The following IMMP2L variants were observed in gnomAD, a reference collection of about 807,000 sequenced individuals.
The protein encoded by IMMP2L is inner mitochondrial membrane peptidase subunit 2.
Under a neutral mutation model 19.3 loss-of-function variants are expected in IMMP2L, and 18 were observed. That is an observed-to-expected ratio of 0.93 (90% CI 0.64 to 1.38). The LOEUF is 1.38. Among genes scored for constraint, IMMP2L ranks in the 40% most tolerant of loss-of-function variants. The pLI, the probability that IMMP2L is intolerant of heterozygous loss-of-function variation, is 0.00. For synonymous variants in IMMP2L, 76 were observed against 73.0 expected, an observed-to-expected ratio of 1.04 and a Z score of -0.21; for missense variants, 233 against 218.2, an observed-to-expected ratio of 1.07 and a Z score of -0.43.
chr7:110,922,931 G>T (rs183563969), intron 4 of IMMP2L, among the ~76,000 whole-genome samples: 2 of 152,064 alleles, frequency 1.3e-5, no homozygotes, highest in Non-Finnish European at 2.9e-5. Flanking sequence ...GATTTGCCCC[G>T]CTGCATGGCA....
At chr7:111,077,197 C>A (rs1234572834) in intron 3 of IMMP2L, among the ~76,000 whole-genome samples, 1 of 152,218 alleles carries the variant, frequency 6.6e-6, no homozygotes, top group African/African-American at 2.4e-5. Flanking sequence ...TGTTACAAAT[C>A]TGAATCTCCC....
chr7:111,458,637 C>G (rs890975650), intron 3 of IMMP2L, among the ~76,000 whole-genome samples: 2 of 150,970 alleles, frequency 1.3e-5, no homozygotes, highest in East Asian at 3.9e-4. Context: ...TTCTGTCACT[C>G]TCTTCAAGAT....
At chr7:110,814,879 T>C (rs1048240542) in intron 5 of IMMP2L, among the ~76,000 whole-genome samples, 1 of 151,866 alleles carries the variant, frequency 6.6e-6, no homozygotes, top group Non-Finnish European at 1.5e-5. Flanking sequence ...ATATTTAATC[T>C]ATTTCCTCCT....
chr7:110,733,513 A>G (rs1796414312), intron 5 of IMMP2L, among the ~76,000 whole-genome samples: 1 of 143,080 alleles, frequency 7.0e-6, no homozygotes, highest in South Asian at 2.3e-4. Context: ...GTGTATTTCT[A>G]AGAAAAGAGG....
intron 5 of IMMP2L, among the ~76,000 whole-genome samples, chr7:110,880,384 A>T (rs1212634041): frequency 6.6e-6 from 1 of 152,124 alleles, no homozygotes; most frequent in Admixed American, 6.6e-5. Context: ...TTTCCAAAAA[A>T]AGCTGTCTTC....
At chr7:110,840,269 TTC>T (rs1804937193) in intron 5 of IMMP2L, among the ~76,000 whole-genome samples, 4 of 152,144 alleles carry the variant, frequency 2.6e-5, no homozygotes, top group Admixed American at 1.3e-4. Context: ...CATCCCGGTT[TTC>T]TGTTATCCTT....
At chr7:111,553,639 AAT>A (rs1790931524) in intron 1 of IMMP2L, among the ~76,000 whole-genome samples, 2 of 152,202 alleles carry the variant, frequency 1.3e-5, no homozygotes, top group African/African-American at 4.8e-5. Context: ...AAACAATTAG[AAT>A]ATATCAGACA....
chr7:111,561,824 T>C, intron 1 of IMMP2L, 27 bp downstream of exon 1: 1 of 152,750 alleles, frequency 6.5e-6, no homozygotes, highest in African/African-American at 2.4e-5. Context: ...TCCTAGGTCC[T>C]TCCACCCCTG....
At chr7:111,043,273 C>CA (rs1291029823) in intron 3 of IMMP2L, among the ~76,000 whole-genome samples, 1 of 152,126 alleles carries the variant, frequency 6.6e-6, no homozygotes, top group Admixed American at 6.5e-5. Flanking sequence ...ATTTAAGTGG[C>CA]AAAAAATTGA....
chr7:111,441,657 G>T (rs1012479340), intron 3 of IMMP2L, among the ~76,000 whole-genome samples: 1 of 150,916 alleles, frequency 6.6e-6, no homozygotes, highest in African/African-American at 2.5e-5. Context: ...TGAGCACATG[G>T]TGTTGAAAAA....
intron 3 of IMMP2L, among the ~76,000 whole-genome samples, chr7:110,994,892 T>C (rs765557972): frequency 7.2e-5 from 11 of 152,064 alleles, no homozygotes; most frequent in Non-Finnish European, 1.3e-4. Context: ...AAGGTTCAAT[T>C]GATATTACAC....
At chr7:111,154,891 G>A (rs1804474477) in intron 3 of IMMP2L, among the ~76,000 whole-genome samples, 1 of 151,988 alleles carries the variant, frequency 6.6e-6, no homozygotes, top group African/African-American at 2.4e-5. Flanking sequence ...CCAACTAGCT[G>A]GGACTACAGC....
At chr7:110,964,354 T>C (rs1291424587) in intron 3 of IMMP2L, among the ~76,000 whole-genome samples, 1 of 152,064 alleles carries the variant, frequency 6.6e-6, no homozygotes, top group East Asian at 1.9e-4. Context: ...AAGGAGTTTT[T>C]ATTTAAATCC....
chr7:111,399,614 C>T (rs1482057595), intron 3 of IMMP2L, among the ~76,000 whole-genome samples: 1 of 152,034 alleles, frequency 6.6e-6, no homozygotes, highest in East Asian at 1.9e-4. Context: ...CTCAGCCTCC[C>T]AAAGTGCTGG....
At chr7:111,117,386 C>T (rs766778004) in intron 3 of IMMP2L, among the ~76,000 whole-genome samples, 1 of 151,958 alleles carries the variant, frequency 6.6e-6, no homozygotes, top group Non-Finnish European at 1.5e-5. Flanking sequence ...TATCCTGTCC[C>T]CAGTTACAAA....
At chr7:111,466,403 A>G (rs985038502) in intron 3 of IMMP2L, among the ~76,000 whole-genome samples, 7 of 152,168 alleles carry the variant, frequency 4.6e-5, no homozygotes, top group Non-Finnish European at 8.8e-5. Flanking sequence ...GGGAGAGAAC[A>G]TGGGAAAAGA....
intron 3 of IMMP2L, among the ~76,000 whole-genome samples, chr7:111,486,365 GA>G (rs1554518368): frequency 6.6e-6 from 1 of 151,866 alleles, no homozygotes; most frequent in Admixed American, 6.6e-5. Flanking sequence ...CATCCAACAA[GA>G]AAAAAATCCT....
intron 3 of IMMP2L, among the ~76,000 whole-genome samples, chr7:111,445,387 A>G (rs1043112777): frequency 1.3e-5 from 2 of 152,080 alleles, no homozygotes; most frequent in Non-Finnish European, 2.9e-5. Flanking sequence ...CCTTTCCTAG[A>G]AGAATGAAAA....
intron 3 of IMMP2L, among the ~76,000 whole-genome samples, chr7:111,010,344 G>C (rs1302861142): frequency 2.6e-5 from 4 of 151,972 alleles, no homozygotes; most frequent in Admixed American, 2.0e-4. Context: ...TCAAAATTTG[G>C]TTTAACAATT....
Sources: allele counts gnomAD v4.1 joint callset (sites outside exome capture counted in the v4.1 genomes callset), GRCh38; gene constraint gnomAD v4.1.1; transcripts MANE v1.5; gene names NCBI Gene and HGNC (gene_info 2026-07-23, HGNC 2026-07-21).